Variants in HK1 observed in about 807,000 individuals in gnomAD.
HK1 encodes hexokinase-1.
HK1 carries 28 observed loss-of-function variants against 91.6 expected under a neutral mutation model. The observed-to-expected ratio is 0.31, with a 90% CI of 0.23 to 0.42. HK1 has a LOEUF of 0.42. HK1 is among the 10% of genes least tolerant of loss of function. The pLI is 1.00. For synonymous variants in HK1, 430 were observed against 468.1 expected, an observed-to-expected ratio of 0.92 and a Z score of 1.05; for missense variants, 770 against 1,219.8, an observed-to-expected ratio of 0.63 and a Z score of 5.49.
chr10:69,319,231 C>G (rs1045503079), intron 1 of HK1: 2 of 628,054 alleles, frequency 3.2e-6, no homozygotes, highest in Middle Eastern at 8.5e-4. Context: ...GGGCGGAAGA[C>G]CCCCGAGACC....
At chr10:69,319,240 C>T in intron 1 of HK1, 1 of 620,252 alleles carries the variant, frequency 1.6e-6, no homozygotes, top group Non-Finnish European at 2.9e-6. Context: ...ACCCCCGAGA[C>T]CGGGCTGCCT....
chr10:69,284,826 C>CT (rs928097758), intron 2 of HK1, among the ~76,000 whole-genome samples: 1 of 151,512 alleles, frequency 6.6e-6, no homozygotes, highest in Non-Finnish European at 1.5e-5. Context: ...TTTCTTTTTT[C>CT]TTTTTTTTAA....
At chr10:69,387,078 A>G (rs1839671881) in intron 13 of HK1, among the ~76,000 whole-genome samples, 1 of 152,098 alleles carries the variant, frequency 6.6e-6, no homozygotes, top group Non-Finnish European at 1.5e-5. Flanking sequence ...GAGTCCACAA[A>G]CAATTGCAGA....
In HK1 at chr10:69,379,842, A is replaced by G; in HGVS notation, c.1032-20A>G. ...CTCATGTGGTCCTCAGTGCATCAGT[A>G]TTGGCTTCTAACTTCACAGGAATAA... On this transcript the variant is annotated intron_variant, in intron 8 of 17. Transcript: ENST00000359426. 6.4e-7 allele frequency: 1 copy of G among 1,560,726 alleles called. No homozygotes were observed. Among genetic ancestry groups the G allele is most frequent in the Non-Finnish European group, 8.8e-7 (1 of 1,131,358 alleles).
chr10:69,292,565 C>T (rs1362067742), intron 3 of HK1, among the ~76,000 whole-genome samples: 1 of 152,182 alleles, frequency 6.6e-6, no homozygotes. Context: ...CTCTGTCACT[C>T]TGGGTTCCAT....
intron 5 of HK1, among the ~76,000 whole-genome samples, chr10:69,306,814 G>A (rs191276102): frequency 6.6e-6 from 1 of 152,308 alleles, no homozygotes; most frequent in African/African-American, 2.4e-5. Context: ...GGGAAGATAT[G>A]TGGCCTACCT....
chr10:69,317,367 G>T (rs1846702645), upstream of HK1, among the ~76,000 whole-genome samples: 1 of 152,162 alleles, frequency 6.6e-6, no homozygotes, highest in East Asian at 1.9e-4. Context: ...AAGGCAGGGG[G>T]TGGGGACTGT....
In HK1 at chr10:69,271,503, G is replaced by A. The variant is rs1211922297; in HGVS notation, c.-391+1395G>A. Among the ~76,000 whole-genome samples the A allele has an allele frequency of 4.2e-5, 6 of 143,394 alleles. No homozygotes were observed. The East Asian group carries it at 1.2e-3, about 29-fold the overall frequency. 94.1% of individuals were successfully genotyped at this position (143,394 alleles called of 152,430 possible). A position where few individuals can be genotyped will look rare whatever the true frequency, so the allele number is the denominator to read the frequency against. On this transcript the variant is annotated intron_variant, in intron 1 of 21. Coordinates refer to the HK1 transcript ENST00000360289. ...TTTTTTTTTTTTTTTTTGAGATGGA[G>A]TCTCGCTCTGTTGCCCAGGCTGAAG...
At chr10:69,338,114 G>T in intron 1 of HK1, 1 of 331,908 alleles carries the variant, frequency 3.0e-6, no homozygotes, top group African/African-American at 2.2e-5. Context: ...GCTCTGCGGG[G>T]GTCCAACTTT....
At chr10:69,398,996 T>C (rs1348881791) in intron 17 of HK1, among the ~76,000 whole-genome samples, 168 bp downstream of exon 17, 2 of 152,132 alleles carry the variant, frequency 1.3e-5, no homozygotes, top group African/African-American at 4.8e-5. Flanking sequence ...ATGAACAGTT[T>C]GTAGGGTTTG....
At chr10:69,317,396 G>A (rs980653103), upstream of HK1, among the ~76,000 whole-genome samples, 6 of 152,138 alleles carry the variant, frequency 3.9e-5, no homozygotes, top group African/African-American at 7.2e-5. Context: ...CAGGAAGCTG[G>A]GGCCTCAGGA....
chr10:69,300,386 T>C, intron 4 of HK1: 2 of 557,912 alleles, frequency 3.6e-6, no homozygotes, highest in Admixed American at 5.9e-5. Context: ...GTTTTTTGCT[T>C]TTTTTTCATG....
At chr10:69,338,571 A>C (rs1848119081) in intron 1 of HK1, 1 of 1,289,564 alleles carries the variant, frequency 7.8e-7, no homozygotes, top group African/African-American at 1.5e-5. Flanking sequence ...CAACTCCCAA[A>C]TGGAGTGTGG....
chr10:69,376,265 G>T (rs1053216867), intron 7 of HK1, among the ~76,000 whole-genome samples: 1 of 152,170 alleles, frequency 6.6e-6, no homozygotes, highest in Non-Finnish European at 1.5e-5. Flanking sequence ...TAGCATACAA[G>T]CCAGGTGCTG....
rs755185793 is a variant in HK1 at position 69,398,625 on chromosome 10, T to C, written c.2406T>C (p.Ala802=). Residue 802 remains alanine (A), a synonymous_variant, in exon 17 of 18, where the codon GCT becomes GCC. Coordinates refer to ENST00000359426, the MANE Select transcript of HK1 (RefSeq NM_000188.3). ...GATTAGCACTGCTCCAGGTCCGGGC[T>C]ATCCTCCAGCAGCTAGGTCTGAATA... is the stretch of plus-strand genomic sequence containing the variant. ...SDRLALLQVR[A]ILQQLGLNST... The C allele has an allele frequency of 6.2e-7, 1 of 1,614,022 alleles. No homozygotes were observed.
rs531856657 is a variant in HK1 at position 69,331,029 on chromosome 10, G to A, written c.63+12019G>A. Reference sequence around the variant, plus strand: ...TGAGTAGCTGGGATTACAGGCATGCGCCACCATACCTGGCTAATTTTTGTA... The same window carrying A: ...TGAGTAGCTGGGATTACAGGCATGCACCACCATACCTGGCTAATTTTTGTA... On this transcript the variant is annotated intron_variant, in intron 1 of 17. Coordinates refer to ENST00000359426, the MANE Select transcript of HK1 (RefSeq NM_000188.3). Among the ~76,000 whole-genome samples, 12 of 151,964 alleles carry A rather than the reference G, an allele frequency of 7.9e-5. No individual in the cohort carries two copies. The East Asian group carries it at 1.4e-3, about 17-fold the overall frequency.
intron 1 of HK1, among the ~76,000 whole-genome samples, chr10:69,329,814 A>G (rs1847604524): frequency 6.7e-6 from 1 of 148,748 alleles, no homozygotes; most frequent in Non-Finnish European, 1.5e-5. Flanking sequence ...GCCCCTCCCC[A>G]GCACCAGCAT....
chr10:69,305,492 G>A (rs891962981), intron 5 of HK1, among the ~76,000 whole-genome samples: 2 of 152,004 alleles, frequency 1.3e-5, no homozygotes, highest in African/African-American at 4.8e-5. Context: ...TTTACCATCT[G>A]TCTCTCCCGA....
intron 3 of HK1, 111 bp from the exon 4 acceptor site, chr10:69,364,672 G>T (rs1181311877): frequency 1.8e-5 from 25 of 1,360,150 alleles, no homozygotes; most frequent in Non-Finnish European, 2.3e-5. Context: ...CGAGCACTTT[G>T]TTTGGGTAGA....
Sources: gnomAD v4.1 joint callset for allele counts (sites outside exome capture counted in the v4.1 genomes callset) on GRCh38, gnomAD v4.1.1 for gene constraint, MANE v1.5 for transcripts, NCBI Gene and HGNC (gene_info 2026-07-23, HGNC 2026-07-21) for gene names.